The following NIBAN2 variants were observed in gnomAD, a reference collection of about 807,000 sequenced individuals.
NIBAN2 encodes the protein niban apoptosis regulator 2, also known as protein Niban 2.
In NIBAN2, 36 loss-of-function variants were observed where a neutral mutation model predicts 81.8. The observed-to-expected ratio is 0.44, with a 90% CI of 0.34 to 0.58. The LOEUF (loss-of-function observed/expected upper bound fraction) is 0.58. Among genes scored for constraint, NIBAN2 ranks in the 20% least tolerant of loss-of-function variants. The probability of loss-of-function intolerance (pLI) is 0.02; values close to 1 mark genes in which losing one functional copy is unlikely to be tolerated. For synonymous variants in NIBAN2, 445 were observed against 441.6 expected, an observed-to-expected ratio of 1.01 and a Z score of -0.10; for missense variants, 897 against 1,014.1, an observed-to-expected ratio of 0.88 and a Z score of 1.57.
upstream of NIBAN2, among the ~76,000 whole-genome samples, chr9:127,571,602 A>G (rs1038116527): frequency 1.3e-5 from 2 of 152,172 alleles, no homozygotes; most frequent in Non-Finnish European, 2.9e-5. Flanking sequence ...AGGCTGAGGC[A>G]GAAGAATCGC....
At chr9:127,532,556 G>A (rs749978913) in intron 1 of NIBAN2, among the ~76,000 whole-genome samples, 30 of 152,158 alleles carry the variant, frequency 2.0e-4, no homozygotes, top group Non-Finnish European at 3.7e-4. Context: ...TCAGTGAGTC[G>A]AGATTGCACC....
At chr9:127,533,682 T>C (rs921517885) in intron 1 of NIBAN2, among the ~76,000 whole-genome samples, 3 of 152,208 alleles carry the variant, frequency 2.0e-5, no homozygotes, top group African/African-American at 7.2e-5. Flanking sequence ...GCATATAGCT[T>C]ACTTAGGCTT....
intron 1 of NIBAN2, among the ~76,000 whole-genome samples, chr9:127,533,042 C>T (rs533797664): frequency 5.9e-5 from 9 of 151,932 alleles, no homozygotes; most frequent in East Asian, 5.8e-4. Context: ...CCTGTAATCC[C>T]GGCTACTCAG....
Position 127,509,026 on chromosome 9 carries a change from C to T in NIBAN2, c.1267G>A (p.Val423Met). ...TGCTTGAACACGGACGTGCTGGACA[C>T]ATCAAATCGCTGCTGCAGCCCGTCC... ...RLDGLQQRFD[V>M]SSTSVFKQRA... The change falls in exon 10 of 14, where the codon GTG (valine) becomes ATG (methionine). Residue 423 changes from valine to methionine, a missense_variant. By Grantham distance (21) the Val-to-Met change is conservative. Transcript: ENST00000373312. 1 of 1,613,970 alleles carries T rather than the reference C, an allele frequency of 6.2e-7. No homozygotes were observed. Among genetic ancestry groups the T allele is most frequent in the South Asian group, 1.1e-5 (1 of 91,080 alleles).
chr9:127,534,733 G>A (rs151287499), intron 1 of NIBAN2, among the ~76,000 whole-genome samples: 1 of 152,264 alleles, frequency 6.6e-6, no homozygotes, highest in Non-Finnish European at 1.5e-5. Context: ...GAACAAATGA[G>A]GAATTTGCTT....
At chr9:127,574,445 G>A (rs977305060) in intron 1 of NIBAN2, among the ~76,000 whole-genome samples, 1 of 152,184 alleles carries the variant, frequency 6.6e-6, no homozygotes, top group African/African-American at 2.4e-5. Flanking sequence ...CTTTAAAAGG[G>A]AGGGTTCAGA....
intron 1 of NIBAN2, among the ~76,000 whole-genome samples, chr9:127,543,907 T>C (rs1354317552): frequency 2.0e-5 from 3 of 152,208 alleles, no homozygotes; most frequent in African/African-American, 7.2e-5. Flanking sequence ...GCAGATCCCA[T>C]ATATGCTAAA....
At position 127,506,716 on chromosome 9, in the gene NIBAN2, C is replaced by T. The variant is rs765407998; in HGVS notation, c.*129G>A. The T allele has an allele frequency of 1.4e-5, 10 of 739,400 alleles. No homozygotes were observed. The East Asian group carries it at 1.5e-4, about 11-fold the overall frequency. 45.8% of individuals were successfully genotyped at this position (739,400 alleles called of 1,614,324 possible). ...TGACTCAGGTGGGCCCGCTCCCTGG[C>T]GGTGCCACACAGCCCTGCCCCGCCT... On this transcript the variant is annotated 3_prime_UTR_variant, in exon 14 of 14. Coordinates refer to ENST00000373312, the MANE Select transcript of NIBAN2 (RefSeq NM_022833.4).
rs202172377 is a variant in NIBAN2 at position 127,507,294 on chromosome 9, C to A, written c.1792G>T (p.Gly598Trp). ...GTGCTGGGGCTGGGGCTGCCGCCCCCGCCGCTGTTGCTGTACTCCTCGCCC... is the reference window on the plus strand; with the variant it reads ...GTGCTGGGGCTGGGGCTGCCGCCCCAGCCGCTGTTGCTGTACTCCTCGCCC... ...DWGEEYSNSG[G>W]GGSPSPSTPE... Residue 598 changes from glycine (G) to tryptophan (W), a missense_variant, in exon 14 of 14, where the codon GGG (glycine) becomes TGG (tryptophan). Physicochemically the swap from Gly to Trp is radical, Grantham distance 184. This residue lies in a region of NIBAN2 where 619 missense variants were observed against 691.0 expected (regional missense o/e 0.90). Transcript: ENST00000373312. This position sits in a 1 kb window ranked among gnomAD's most constrained non-coding sequence, Gnocchi z 6.8. 2 of 1,595,696 alleles carry A rather than the reference C, an allele frequency of 1.3e-6. No individual in the cohort carries two copies. The highest frequency in any genetic ancestry group is 1.1e-5 in the South Asian group (1 of 90,206).
At position 127,554,548 on chromosome 9, in the gene NIBAN2, C is replaced by CTTTTTTTTTTTTT. The variant is rs1230242603; in HGVS notation, c.55+14259_55+14271dup. Among the ~76,000 whole-genome samples the CTTTTTTTTTTTTT allele has an allele frequency of 2.6e-3, 268 of 103,698 alleles. 1 individual carries two copies. Among genetic ancestry groups the CTTTTTTTTTTTTT allele is most frequent in the Middle Eastern group, 9.4e-3 (1 of 106 alleles). 68.0% of individuals were successfully genotyped at this position (103,698 alleles called of 152,430 possible). ...GGGTTATTCTTTTCTTTTTCTTTTT[C>CTTTTTTTTTTTTT]TTTTTTTTTTTTTTTTTTTTTTTGC... On this transcript the variant is annotated intron_variant, in intron 1 of 13. Transcript: ENST00000373312.
chr9:127,556,836 G>A (rs1837680776), intron 1 of NIBAN2, among the ~76,000 whole-genome samples: 2 of 152,162 alleles, frequency 1.3e-5, no homozygotes, highest in South Asian at 2.1e-4. Context: ...CAGCACTTTG[G>A]GAGGCCAGGC....
intron 2 of NIBAN2, among the ~76,000 whole-genome samples, chr9:127,527,624 C>A (rs2132182647): frequency 6.6e-6 from 1 of 152,332 alleles, no homozygotes; most frequent in Middle Eastern, 3.4e-3. Flanking sequence ...CAGGCTCTCC[C>A]TCTCCATCCC....
intron 1 of NIBAN2, among the ~76,000 whole-genome samples, chr9:127,544,318 G>A (rs4618802): frequency 0.11 from 17,012 of 152,022 alleles, 1,436 homozygotes; most frequent in Admixed American, 0.27. Context: ...GCCTCTCTGG[G>A]CCTCAGTTTC....
chr9:127,574,523 G>A (rs1049010178), intron 1 of NIBAN2, among the ~76,000 whole-genome samples: 2 of 152,082 alleles, frequency 1.3e-5, no homozygotes, highest in Non-Finnish European at 2.9e-5. Context: ...CATTCCGCAG[G>A]AGCCCAGCCC....
At chr9:127,570,946 C>G (rs536994325), upstream of NIBAN2, among the ~76,000 whole-genome samples, 2 of 152,392 alleles carry the variant, frequency 1.3e-5, no homozygotes, top group East Asian at 3.9e-4. Context: ...GCCAAGTCTC[C>G]TGGCACCCAG....
Position 127,531,757 on chromosome 9 carries a change from G to A in NIBAN2, c.77C>T (p.Thr26Met), listed in dbSNP as rs146201580. 47 of 1,614,088 alleles carry A rather than the reference G, an allele frequency of 2.9e-5. 1 individual carries two copies. The highest frequency in any genetic ancestry group is 1.5e-4 in the South Asian group (14 of 91,090). ...HIAEKTGKIL[T>M]EFLQFYEDQY... ...GTCTTCATAGAACTGGAGGAACTCC[G>A]TCAGGATCTTCCCGGTTTTTTCTGG... The change falls in exon 2 of 14, where the codon ACG becomes ATG. Residue 26 changes from threonine to methionine, a missense_variant. Physicochemically the swap from Thr to Met is moderately conservative, Grantham distance 81. Around this residue, in one of 3 missense-constraint regions of NIBAN2, gnomAD observed 209 missense variants for 208.4 expected, o/e 1.00. Transcript: ENST00000373312.
chr9:127,578,118 G>A (rs1315953725), intron 1 of NIBAN2, among the ~76,000 whole-genome samples: 1 of 151,452 alleles, frequency 6.6e-6, no homozygotes, highest in Non-Finnish European at 1.5e-5. Context: ...TTGTATCTGG[G>A]AGGCGGAGGT....
Position 127,517,986 on chromosome 9 carries a change from G to C in NIBAN2, c.590-45C>G, listed in dbSNP as rs371355128. 7.4e-6 allele frequency: 10 copies of C among 1,352,844 alleles called. No homozygotes were observed. Among genetic ancestry groups the C allele is most frequent in the Non-Finnish European group, 1.0e-5 (10 of 980,214 alleles). 83.8% of individuals were successfully genotyped at this position (1,352,844 alleles called of 1,614,324 possible). On this transcript the variant is annotated intron_variant, in intron 5 of 13. Coordinates refer to ENST00000373312, the MANE Select transcript of NIBAN2 (RefSeq NM_022833.4). This position sits in a 1 kb window ranked among gnomAD's most constrained non-coding sequence, Gnocchi z 4.0. ...AGAGAGGAGGTCAGCAGATGGCCCA[G>C]TGGCCTCTACCAAGACCAACTGAGA...
chr9:127,533,010 T>G (rs1345907724), intron 1 of NIBAN2, among the ~76,000 whole-genome samples: 1 of 151,434 alleles, frequency 6.6e-6, no homozygotes, highest in African/African-American at 2.4e-5. Flanking sequence ...ATAGAAAAAT[T>G]AGCCAGGCAT....
Sources: allele counts gnomAD v4.1 joint callset (sites outside exome capture counted in the v4.1 genomes callset), GRCh38; gene constraint gnomAD v4.1.1; regional missense constraint gnomAD v4.1.1; non-coding constraint Gnocchi (gnomAD v3.1); transcripts MANE v1.5; gene names NCBI Gene and HGNC (gene_info 2026-07-23, HGNC 2026-07-21).